Variants in DLC1 observed in about 807,000 individuals in gnomAD.
DLC1 encodes the protein rho GTPase-activating protein 7.
DLC1 carries 54 observed loss-of-function variants against 140.3 expected under a neutral mutation model. The ratio of observed to expected loss-of-function variants is 0.38; its 90% confidence interval spans 0.31 to 0.48. The LOEUF is 0.48. Among genes scored for constraint, DLC1 ranks in the 20% least tolerant of loss-of-function variants. The probability of loss-of-function intolerance (pLI) is 0.96; values close to 1 mark genes in which losing one functional copy is unlikely to be tolerated. For synonymous variants in DLC1, 986 were observed against 728.1 expected (o/e 1.35, Z -5.70); for missense variants, 2,536 against 1,907.0 (o/e 1.33, Z -6.14).
At chr8:13,505,146 G>A (rs1801998008) in intron 1 of DLC1, among the ~76,000 whole-genome samples, 1 of 152,122 alleles carries the variant, frequency 6.6e-6, no homozygotes, top group Non-Finnish European at 1.5e-5. Context: ...TATAATTATA[G>A]TATACTCCAT....
intron 2 of DLC1, among the ~76,000 whole-genome samples, chr8:13,470,534 A>G (rs925386930): frequency 1.3e-5 from 2 of 152,204 alleles, no homozygotes; most frequent in Non-Finnish European, 2.9e-5. Context: ...ATCACTAATC[A>G]TCAAGGAAAT....
intron 1 of DLC1, among the ~76,000 whole-genome samples, chr8:13,569,993 T>C (rs1804590117): frequency 6.6e-6 from 1 of 152,236 alleles, no homozygotes; most frequent in Non-Finnish European, 1.5e-5. Flanking sequence ...TCCCAAGTGC[T>C]GGGATTGCAG....
intron 5 of DLC1, among the ~76,000 whole-genome samples, chr8:13,165,112 T>G (rs1346590906): frequency 1.3e-5 from 2 of 152,238 alleles, no homozygotes; most frequent in African/African-American, 4.8e-5. Context: ...TAGTGACATT[T>G]TAATTTCAGA....
Position 13,312,377 on chromosome 8 carries a change from A to T in DLC1, c.1315-7075T>A, listed in dbSNP as rs891561055. ...CTCCGTCTCAAAAAAAAAAAAAAAA[A>T]AAAAAAAAAAATAATTTCTTTAGCA... On this transcript the variant is annotated intron_variant, in intron 4 of 17. Transcript: ENST00000276297. Among the ~76,000 whole-genome samples the T allele has an allele frequency of 1.0e-3, 120 of 114,724 alleles. 12 individuals carry two copies. The highest frequency in any genetic ancestry group is 4.0e-3 in the African/African-American group (111 of 27,822). The allele number at this position is 114,724 out of a possible 152,430, so 75.3% of individuals were successfully genotyped here.
chr8:13,156,779 C>G (rs181872016), intron 5 of DLC1, among the ~76,000 whole-genome samples: 1 of 152,338 alleles, frequency 6.6e-6, no homozygotes, highest in East Asian at 1.9e-4. Flanking sequence ...TCAGTAGGAT[C>G]CAGCCAGCGC....
chr8:13,187,110 C>T (rs1029170554), intron 5 of DLC1, among the ~76,000 whole-genome samples: 1 of 151,954 alleles, frequency 6.6e-6, no homozygotes, highest in African/African-American at 2.4e-5. Flanking sequence ...TTTCAAACGT[C>T]ACTCACATTC....
At chr8:13,350,200 C>T (rs1305148180) in intron 4 of DLC1, among the ~76,000 whole-genome samples, 1 of 152,116 alleles carries the variant, frequency 6.6e-6, no homozygotes, top group East Asian at 1.9e-4. Flanking sequence ...AATATATTTC[C>T]TTCTTTTAAG....
At chr8:13,106,827 A>T (rs1160766680) in intron 7 of DLC1, among the ~76,000 whole-genome samples, 1 of 152,234 alleles carries the variant, frequency 6.6e-6, no homozygotes, top group Non-Finnish European at 1.5e-5. Context: ...CTGTGTTTAT[A>T]GAAGGAGTCA....
In DLC1 at chr8:13,099,365, G is replaced by A; in HGVS notation, c.2972C>T (p.Ser991Phe). 1 of 1,613,740 alleles carries A rather than the reference G, an allele frequency of 6.2e-7. No individual in the cohort carries two copies. The highest frequency in any genetic ancestry group is 8.5e-7 in the Non-Finnish European group (1 of 1,179,936). Residue 991 changes from serine to phenylalanine, a missense_variant, in exon 9 of 18, where the codon TCC (serine) becomes TTC (phenylalanine). Ser to Phe is a radical substitution (Grantham distance 155). Coordinates refer to ENST00000276297, the MANE Select transcript of DLC1 (RefSeq NM_182643.3). The stretch of plus-strand genomic sequence containing the variant: ...TTCTTACCTGTTGGACCTGGTTAGG[G>A]AAGCCCCAACCCCAGAATCCCTTCT... ...PERRDSGVGA[S>F]LTRSNRHRLR...
At chr8:13,365,337 C>G (rs1238363129) in intron 4 of DLC1, among the ~76,000 whole-genome samples, 1 of 152,128 alleles carries the variant, frequency 6.6e-6, no homozygotes, top group Non-Finnish European at 1.5e-5. Context: ...GCACGTGGAG[C>G]TGATCCACGC....
At chr8:13,204,784 A>T (rs1827572574) in intron 5 of DLC1, among the ~76,000 whole-genome samples, 1 of 152,212 alleles carries the variant, frequency 6.6e-6, no homozygotes, top group Non-Finnish European at 1.5e-5. Context: ...GGAAATTCTG[A>T]ACCATTCCAT....
At chr8:13,245,426 C>G (rs1423344689) in intron 5 of DLC1, among the ~76,000 whole-genome samples, 1 of 152,184 alleles carries the variant, frequency 6.6e-6, no homozygotes, top group African/African-American at 2.4e-5. Context: ...TTGTTTTACA[C>G]CACTAGGTTT....
At chr8:13,126,122 C>T (rs1821539920) in intron 5 of DLC1, among the ~76,000 whole-genome samples, 2 of 152,066 alleles carry the variant, frequency 1.3e-5, no homozygotes, top group Admixed American at 1.3e-4. Context: ...GAATTTGAGC[C>T]CATGAGGGAC....
At chr8:13,111,484 G>A (rs1820105670) in intron 6 of DLC1, among the ~76,000 whole-genome samples, 2 of 152,182 alleles carry the variant, frequency 1.3e-5, no homozygotes, top group African/African-American at 4.8e-5. Flanking sequence ...AGTTCATTCA[G>A]TTCTCTCGAG....
At chr8:13,492,205 G>A (rs1362455295) in intron 2 of DLC1, among the ~76,000 whole-genome samples, 1 of 150,872 alleles carries the variant, frequency 6.6e-6, no homozygotes, top group Non-Finnish European at 1.5e-5. Context: ...CCTCTAGCCT[G>A]TTGGAGATAC....
intron 2 of DLC1, among the ~76,000 whole-genome samples, chr8:13,470,535 T>C (rs778926855): frequency 6.6e-6 from 1 of 152,166 alleles, no homozygotes; most frequent in Non-Finnish European, 1.5e-5. Flanking sequence ...TCACTAATCA[T>C]CAAGGAAATA....
chr8:13,503,931 G>A (rs925297305), intron 1 of DLC1, among the ~76,000 whole-genome samples: 1 of 152,046 alleles, frequency 6.6e-6, no homozygotes, highest in African/African-American at 2.4e-5. Context: ...AAGTCAAATG[G>A]TATTTGAGGT....
chr8:13,550,766 A>C (rs138107730), intron 1 of DLC1, among the ~76,000 whole-genome samples: 4 of 152,202 alleles, frequency 2.6e-5, no homozygotes, highest in South Asian at 2.1e-4. Flanking sequence ...ATCAAGCTAC[A>C]TGTTCCATAT....
chr8:13,405,916 CT>C (rs776038085), intron 2 of DLC1, among the ~76,000 whole-genome samples: 87 of 35,500 alleles, frequency 2.5e-3, no homozygotes, highest in African/African-American at 8.1e-3. Context: ...TCTTTCTTTT[CT>C]TTTCTTTCTT....
Sources: allele counts gnomAD v4.1 joint callset (sites outside exome capture counted in the v4.1 genomes callset), GRCh38; gene constraint gnomAD v4.1.1; transcripts MANE v1.5; gene names NCBI Gene and HGNC (gene_info 2026-07-23, HGNC 2026-07-21).